FMN1: variants seen among roughly 807,000 people sequenced by gnomAD.
The protein encoded by FMN1 is formin-1.
A neutral mutation model predicts 132.4 loss-of-function variants in FMN1; 110 were observed. The ratio of observed to expected loss-of-function variants is 0.83; its 90% CI spans 0.71 to 0.97. FMN1 has a LOEUF of 0.97. FMN1 is among the 50% of genes least tolerant of loss of function. The pLI is 0.00. For missense variants in FMN1, 1,792 were observed against 1,705.3 expected (o/e 1.05, Z -0.90); for synonymous variants, 722 against 651.7 (o/e 1.11, Z -1.64).
chr15:32,984,960 T>A (rs79748231), intron 7 of FMN1, among the ~76,000 whole-genome samples: 1 of 132,488 alleles, frequency 7.5e-6, no homozygotes, highest in African/African-American at 3.0e-5. Context: ...TCCTTTTCTC[T>A]GTTTGTTCAT....
At chr15:33,170,960 C>A (rs1159379979) in intron 3 of FMN1, among the ~76,000 whole-genome samples, 1 of 152,004 alleles carries the variant, frequency 6.6e-6, no homozygotes, top group East Asian at 1.9e-4. Context: ...TACTGCATAG[C>A]AAAAGATATG....
chr15:33,128,273 CG>C (rs1362340836), intron 4 of FMN1, among the ~76,000 whole-genome samples: 2 of 152,116 alleles, frequency 1.3e-5, no homozygotes, highest in East Asian at 1.9e-4. Flanking sequence ...TAATTAGAAG[CG>C]CAACAGTTGG....
chr15:32,941,418 T>C (rs1011468904), intron 9 of FMN1, among the ~76,000 whole-genome samples: 6 of 152,242 alleles, frequency 3.9e-5, no homozygotes, highest in Non-Finnish European at 8.8e-5. Context: ...CGTATGTAAG[T>C]ATAGACCTTA....
chr15:33,165,453 C>G (rs962963320), intron 3 of FMN1, among the ~76,000 whole-genome samples: 3 of 152,250 alleles, frequency 2.0e-5, no homozygotes, highest in South Asian at 2.1e-4. Context: ...TGCAGTGGCG[C>G]GATCTCGGCT....
intron 4 of FMN1, among the ~76,000 whole-genome samples, chr15:33,110,098 A>G (rs949966741): frequency 6.6e-6 from 1 of 152,120 alleles, no homozygotes; most frequent in Non-Finnish European, 1.5e-5. Flanking sequence ...AAAATAACTG[A>G]TAATTGTCAT....
intron 17 of FMN1, among the ~76,000 whole-genome samples, chr15:32,841,262 T>C (rs1596059019): frequency 6.6e-6 from 1 of 152,174 alleles, no homozygotes; most frequent in East Asian, 1.9e-4. Flanking sequence ...ACACAGTGTT[T>C]TAATCTCAGA....
chr15:33,012,582 T>C (rs1596468122), intron 6 of FMN1: 11 of 1,326,240 alleles, frequency 8.3e-6, no homozygotes, highest in South Asian at 2.3e-5. Context: ...TTGACAACCA[T>C]GACTCTGTGG....
At chr15:32,902,313 TTATCTA>T in intron 12 of FMN1, among the ~76,000 whole-genome samples, 1 of 152,276 alleles carries the variant, frequency 6.6e-6, no homozygotes, top group East Asian at 1.9e-4. Flanking sequence ...ACTAAACAAG[TTATCTA>T]TCTCCTGCTG....
chr15:32,860,299 TGAA>T (rs1446530131), intron 16 of FMN1, among the ~76,000 whole-genome samples: 5 of 151,892 alleles, frequency 3.3e-5, no homozygotes, highest in African/African-American at 1.2e-4. Flanking sequence ...GAAAAGTAGA[TGAA>T]GAAAAAAGGT....
intron 12 of FMN1, among the ~76,000 whole-genome samples, chr15:32,907,531 C>T (rs1055329527): frequency 1.3e-5 from 2 of 152,112 alleles, no homozygotes; most frequent in Admixed American, 1.3e-4. Context: ...TGGTACCAGT[C>T]TGTGGCCCAG....
At chr15:33,123,416 T>A (rs144347880) in intron 4 of FMN1, among the ~76,000 whole-genome samples, 1 of 152,296 alleles carries the variant, frequency 6.6e-6, no homozygotes, top group East Asian at 1.9e-4. Context: ...CAAACAATGT[T>A]TGTTGAATGA....
At chr15:33,179,902 C>A (rs1276367169) in intron 3 of FMN1, among the ~76,000 whole-genome samples, 1 of 152,092 alleles carries the variant, frequency 6.6e-6, no homozygotes, top group Admixed American at 6.5e-5. Flanking sequence ...AAGTCTTCTG[C>A]CTTGAGTGAC....
intron 4 of FMN1, among the ~76,000 whole-genome samples, chr15:33,112,834 G>C (rs1467166553): frequency 2.0e-5 from 3 of 152,148 alleles, no homozygotes; most frequent in Admixed American, 2.0e-4. Flanking sequence ...GGCATTTGCA[G>C]CAGAGTTATC....
At chr15:32,848,742 A>T (rs1261010215) in intron 17 of FMN1, among the ~76,000 whole-genome samples, 3 of 152,186 alleles carry the variant, frequency 2.0e-5, no homozygotes, top group Non-Finnish European at 4.4e-5. Flanking sequence ...TTTGTTTACT[A>T]TTTTAAGAGG....
chr15:32,980,851 T>C (rs930001002), intron 7 of FMN1, among the ~76,000 whole-genome samples: 8 of 152,048 alleles, frequency 5.3e-5, no homozygotes, highest in Non-Finnish European at 4.4e-5. Context: ...TCTCTACTAG[T>C]AACACACAAA....
intron 5 of FMN1, among the ~76,000 whole-genome samples, chr15:33,085,342 A>G (rs2038645673): frequency 6.6e-6 from 1 of 152,116 alleles, no homozygotes; most frequent in Admixed American, 6.5e-5. Context: ...CACACTGTCC[A>G]AAGAGGGGAG....
intron 3 of FMN1, among the ~76,000 whole-genome samples, chr15:33,169,519 TAAGTTTCTTC>T (rs1321027369): frequency 1.3e-5 from 2 of 152,010 alleles, no homozygotes; most frequent in Non-Finnish European, 2.9e-5. Flanking sequence ...GGAAGAAGGG[TAAGTTTCTTC>T]CTCTTCCAAA....
chr15:32,972,301 C>G (rs2031858549), intron 7 of FMN1, among the ~76,000 whole-genome samples: 1 of 152,168 alleles, frequency 6.6e-6, no homozygotes, highest in African/African-American at 2.4e-5. Context: ...CAAAAATAGA[C>G]ATACCAAAAT....
chr15:32,801,373 C>G (rs1178420257), intron 18 of FMN1, among the ~76,000 whole-genome samples: 1 of 151,984 alleles, frequency 6.6e-6, no homozygotes, highest in African/African-American at 2.4e-5. Flanking sequence ...ACTAAGAAAG[C>G]AAGTGAACCT....
Sources: allele counts gnomAD v4.1 joint callset (sites outside exome capture counted in the v4.1 genomes callset), GRCh38; gene constraint gnomAD v4.1.1; transcripts MANE v1.5; gene names NCBI Gene and HGNC (gene_info 2026-07-23, HGNC 2026-07-21).